The following GRAMD1B variants were observed in gnomAD, a reference collection of about 807,000 sequenced individuals.
GRAMD1B encodes the protein protein Aster-B.
Under a neutral mutation model 99.7 loss-of-function variants are expected in GRAMD1B, and 37 were observed. The observed-to-expected ratio is 0.37, with a 90% CI of 0.29 to 0.49. The LOEUF (loss-of-function observed/expected upper bound fraction) is 0.49. Among genes scored for constraint, GRAMD1B ranks in the 20% least tolerant of loss-of-function variants. The probability of loss-of-function intolerance (pLI) is 0.98; values close to 1 mark genes in which losing one functional copy is unlikely to be tolerated. For synonymous variants in GRAMD1B, 427 were observed against 387.6 expected, an observed-to-expected ratio of 1.10 and a Z score of -1.19; for missense variants, 888 against 1,009.2, an observed-to-expected ratio of 0.88 and a Z score of 1.63.
At chr11:123,368,087 C>G (rs1565452941) in intron 1 of GRAMD1B, among the ~76,000 whole-genome samples, 1 of 151,196 alleles carries the variant, frequency 6.6e-6, no homozygotes, top group Non-Finnish European at 1.5e-5. Context: ...GACCCTGTCT[C>G]TACTAAAAAT....
chr11:123,431,176 C>T lies in GRAMD1B; in HGVS notation c.374+10C>T. ...AGTGCAGTGAAAGCAGGTACGTCCC[C>T]GTTCCGCCCGTCTCCTTCCCTTCCC... On this transcript the variant is annotated intron_variant, in intron 1 of 19. Transcript: ENST00000635736. 4.3e-6 allele frequency: 3 copies of T among 692,958 alleles called. No individual in the cohort carries two copies. Among genetic ancestry groups the T allele is most frequent in the Non-Finnish European group, 7.9e-6 (3 of 378,870 alleles). The allele number at this position is 692,958 out of a possible 1,614,324, so 42.9% of individuals were successfully genotyped here. A position where few individuals can be genotyped will look rare whatever the true frequency, so the allele number is the denominator to read the frequency against.
At chr11:123,507,673 T>C (rs1940574752) in intron 2 of GRAMD1B, among the ~76,000 whole-genome samples, 1 of 152,244 alleles carries the variant, frequency 6.6e-6, no homozygotes, top group Admixed American at 6.5e-5. Context: ...ACATAGGACA[T>C]AGGAGATTGG....
At chr11:123,516,918 A>G (rs17127433) in intron 2 of GRAMD1B, among the ~76,000 whole-genome samples, 2,454 of 152,286 alleles carry the variant, frequency 0.016, 40 homozygotes, top group East Asian at 0.039. Context: ...TAGACGCTCC[A>G]TAAGTATGGT....
intron 2 of GRAMD1B, among the ~76,000 whole-genome samples, chr11:123,566,698 G>A (rs893877032): frequency 3.9e-5 from 6 of 152,068 alleles, no homozygotes; most frequent in Admixed American, 3.3e-4. Flanking sequence ...CTCAGGAAGC[G>A]GAGCTTGCAG....
At chr11:123,519,148 A>G (rs1941956350) in intron 2 of GRAMD1B, among the ~76,000 whole-genome samples, 1 of 152,194 alleles carries the variant, frequency 6.6e-6, no homozygotes, top group Admixed American at 6.5e-5. Context: ...AAGGGTACCA[A>G]GGACAGGAAG....
chr11:123,492,771 G>A lies in GRAMD1B; in HGVS notation c.452+11878G>A, dbSNP rs1938701993. On this transcript the variant is annotated intron_variant, in intron 2 of 19. Transcript: ENST00000635736. The surrounding 1 kb of genome is among the most constrained non-coding windows in gnomAD (Gnocchi z 4.2). ...AAAAGGAAGGAGAAAGGCAGAAAGAGGGGCCAAATGGATTTCAGAGGTAGG... is the reference window on the plus strand; with the variant it reads ...AAAAGGAAGGAGAAAGGCAGAAAGAAGGGCCAAATGGATTTCAGAGGTAGG... 6.6e-6 allele frequency among the ~76,000 whole-genome samples: 1 copy of A among 152,086 alleles called. No homozygotes were observed. Among genetic ancestry groups the A allele is most frequent in the Non-Finnish European group, 1.5e-5 (1 of 68,030 alleles).
At chr11:123,428,316 C>T (rs117373360), upstream of GRAMD1B, among the ~76,000 whole-genome samples, 339 of 152,350 alleles carry the variant, frequency 2.2e-3, 1 homozygote, top group Non-Finnish European at 4.2e-3. Flanking sequence ...GCAATCTCCT[C>T]AGCATCCCTG....
intron 1 of GRAMD1B, among the ~76,000 whole-genome samples, chr11:123,418,533 G>A (rs1192430502): frequency 1.3e-5 from 2 of 152,138 alleles, no homozygotes; most frequent in African/African-American, 4.8e-5. Context: ...TAAAAAACCT[G>A]AACTTTAGTT....
chr11:123,432,595 G>A (rs1948951941), intron 1 of GRAMD1B, among the ~76,000 whole-genome samples: 1 of 151,582 alleles, frequency 6.6e-6, no homozygotes, highest in Admixed American at 6.6e-5. Flanking sequence ...GGGAGCCATT[G>A]GAAAACATAC....
At chr11:123,490,018 A>C (rs551521014) in intron 2 of GRAMD1B, among the ~76,000 whole-genome samples, 95 of 152,326 alleles carry the variant, frequency 6.2e-4, no homozygotes, top group Admixed American at 1.3e-3. Flanking sequence ...CTCTGCAAAA[A>C]ATAGCTACTG....
chr11:123,504,144 G>C (rs1565306607), intron 2 of GRAMD1B, among the ~76,000 whole-genome samples: 1 of 152,134 alleles, frequency 6.6e-6, no homozygotes, highest in African/African-American at 2.4e-5. Flanking sequence ...ATTGCTAGCA[G>C]CTAAGGGAGG....
intron 2 of GRAMD1B, among the ~76,000 whole-genome samples, chr11:123,546,217 G>A (rs1945025917): frequency 6.6e-6 from 1 of 152,202 alleles, no homozygotes; most frequent in African/African-American, 2.4e-5. Context: ...TGACCTCAGG[G>A]AAGGAGGATG....
chr11:123,433,675 CGTGCGT>C (rs559247351), intron 1 of GRAMD1B, among the ~76,000 whole-genome samples: 9,768 of 97,056 alleles, frequency 0.1, 428 homozygotes, highest in East Asian at 0.27. Context: ...TAAAATGTTA[CGTGCGT>C]GTGTGTGTGT....
At position 123,409,431 on chromosome 11, in the gene GRAMD1B, A is replaced by C. The variant is rs1352153669; in HGVS notation, c.-176+50632A>C. Among the ~76,000 whole-genome samples, 3 of 152,116 alleles carry C rather than the reference A, an allele frequency of 2.0e-5. No individual in the cohort carries two copies. The East Asian group carries it at 5.8e-4, about 29-fold the overall frequency. Reference sequence around the variant, plus strand: ...CCGCAGTCATCTCATCTGATCTCTAAAATGCCCCACTCTTGCTCCCCTGAC... The same window carrying C: ...CCGCAGTCATCTCATCTGATCTCTACAATGCCCCACTCTTGCTCCCCTGAC... On this transcript the variant is annotated intron_variant, in intron 1 of 20. Transcript: ENST00000638157.
chr11:123,489,998 G>A (rs11219169), intron 2 of GRAMD1B, among the ~76,000 whole-genome samples: 4,944 of 152,236 alleles, frequency 0.032, 235 homozygotes, highest in African/African-American at 0.1. Context: ...GTAACCTGGC[G>A]AAACCTCGTC....
In GRAMD1B at chr11:123,469,046, G is replaced by A. The variant is rs188615683; in HGVS notation, c.375-11770G>A. ...GGTGGAAGAGTCGACTTGAACTCAG[G>A]CAGTCCAAAGCTGGGACAAAGAAGG... On this transcript the variant is annotated intron_variant, in intron 1 of 19. Transcript: ENST00000635736. 6.1e-3 allele frequency among the ~76,000 whole-genome samples: 921 copies of A among 152,012 alleles called. 4 individuals carry two copies. The highest frequency in any genetic ancestry group is 0.017 in the Middle Eastern group (5 of 294).
chr11:123,534,629 G>A (rs1195793104), intron 2 of GRAMD1B, among the ~76,000 whole-genome samples: 1 of 152,100 alleles, frequency 6.6e-6, no homozygotes, highest in Non-Finnish European at 1.5e-5. Flanking sequence ...TTGGGAGGCC[G>A]AGGCGGGTGG....
upstream of GRAMD1B, among the ~76,000 whole-genome samples, chr11:123,427,397 G>A (rs766388344): frequency 3.3e-5 from 5 of 152,202 alleles, no homozygotes; most frequent in Non-Finnish European, 7.3e-5. Context: ...CCGCTGGGAA[G>A]ACACAGTGTG....
Position 123,585,544 on chromosome 11 carries a change from T to C in GRAMD1B, c.684+1212T>C, listed in dbSNP as rs147655249. ...GAGAGAGTTATGGGCTGAGGTATCTTGGGGTGGGAGAGAAGCCACACTCTA... is the reference window on the plus strand; with the variant it reads ...GAGAGAGTTATGGGCTGAGGTATCTCGGGGTGGGAGAGAAGCCACACTCTA... On this transcript the variant is annotated intron_variant, in intron 4 of 19. Coordinates refer to ENST00000635736, the MANE Select transcript of GRAMD1B (RefSeq NM_001387025.1). Among the ~76,000 whole-genome samples the C allele has an allele frequency of 4.6e-5, 7 of 152,280 alleles. No homozygotes were observed. In the East Asian group the frequency reaches 1.4e-3, roughly 29 times the overall value.
Sources: allele counts gnomAD v4.1 joint callset (sites outside exome capture counted in the v4.1 genomes callset), GRCh38; gene constraint gnomAD v4.1.1; non-coding constraint Gnocchi (gnomAD v3.1); transcripts MANE v1.5; gene names NCBI Gene and HGNC (gene_info 2026-07-23, HGNC 2026-07-21).